Variants in RAD51B observed in about 807,000 individuals in gnomAD.
The protein encoded by RAD51B is RAD51 paralog B, also known as DNA repair protein RAD51 homolog 2.
RAD51B carries 38 observed loss-of-function variants against 42.2 expected under a neutral mutation model. The observed-to-expected ratio is 0.90, with a 90% CI of 0.70 to 1.18. The LOEUF (loss-of-function observed/expected upper bound fraction) is 1.18, where lower values mean the gene tolerates loss of function less well. Ranked by LOEUF, RAD51B falls within the 50% of genes most tolerant of loss-of-function variation. The probability of loss-of-function intolerance (pLI) is 0.00; values close to 1 mark genes in which losing one functional copy is unlikely to be tolerated. For missense variants in RAD51B, 373 were observed against 400.7 expected (o/e 0.93, Z 0.59); for synonymous variants, 154 against 145.2 (o/e 1.06, Z -0.43).
At chr14:68,482,130 A>G (rs1239891255), downstream of RAD51B, among the ~76,000 whole-genome samples, 1 of 151,670 alleles carries the variant, frequency 6.6e-6, no homozygotes, top group African/African-American at 2.4e-5. Flanking sequence ...GAAAGTAATT[A>G]CTTTTACTGA....
At chr14:68,063,704 C>A (rs2076605179) in intron 7 of RAD51B, among the ~76,000 whole-genome samples, 4 of 152,070 alleles carry the variant, frequency 2.6e-5, no homozygotes, top group Admixed American at 2.6e-4. Flanking sequence ...CCACAGCACT[C>A]CAGCCTGGCG....
downstream of RAD51B, among the ~76,000 whole-genome samples, chr14:68,480,283 G>A (rs1156618674): frequency 6.6e-6 from 1 of 151,734 alleles, no homozygotes; most frequent in Admixed American, 6.6e-5. Flanking sequence ...CACCATGTTG[G>A]CCAGGCTGGT....
chr14:68,592,580 G>A (rs943847861), intron 10 of RAD51B, among the ~76,000 whole-genome samples: 3 of 152,140 alleles, frequency 2.0e-5, no homozygotes, highest in African/African-American at 7.2e-5. Context: ...GAAGTGGCAG[G>A]GCCAGGATTA....
chr14:68,193,604 C>G (rs994149467), intron 7 of RAD51B, among the ~76,000 whole-genome samples: 1 of 152,116 alleles, frequency 6.6e-6, no homozygotes, highest in African/African-American at 2.4e-5. Context: ...GTATTGTTCT[C>G]AAAACAATTA....
chr14:67,863,319 AC>A (rs1481368644), intron 4 of RAD51B, among the ~76,000 whole-genome samples: 1 of 152,024 alleles, frequency 6.6e-6, no homozygotes, highest in Non-Finnish European at 1.5e-5. Flanking sequence ...TTACCTTTAG[AC>A]CAAATTCTGA....
chr14:67,925,563 G>A (rs2044477210), intron 7 of RAD51B, among the ~76,000 whole-genome samples: 1 of 152,166 alleles, frequency 6.6e-6, no homozygotes, highest in Non-Finnish European at 1.5e-5. Flanking sequence ...GAGCTACTGT[G>A]CTTGACCTGG....
At chr14:68,654,017 G>T (rs1225684615) in intron 11 of RAD51B, among the ~76,000 whole-genome samples, 1 of 152,260 alleles carries the variant, frequency 6.6e-6, no homozygotes, top group Admixed American at 6.5e-5. Flanking sequence ...TGAGGTTAGG[G>T]AAAGCAAGAA....
intron 7 of RAD51B, among the ~76,000 whole-genome samples, chr14:67,923,165 C>T (rs1208285896): frequency 2.0e-5 from 3 of 152,124 alleles, no homozygotes; most frequent in Non-Finnish European, 4.4e-5. Flanking sequence ...GTAACGGTCT[C>T]CAGTTCCATC....
At chr14:68,614,051 C>T (rs1891776477), downstream of RAD51B, among the ~76,000 whole-genome samples, 1 of 152,130 alleles carries the variant, frequency 6.6e-6, no homozygotes, top group Non-Finnish European at 1.5e-5. Context: ...CCTATGAGTG[C>T]AAGTTAGCAA....
chr14:68,109,483 TAAG>T (rs558919900), intron 7 of RAD51B, among the ~76,000 whole-genome samples: 2 of 152,016 alleles, frequency 1.3e-5, no homozygotes, highest in Non-Finnish European at 2.9e-5. Flanking sequence ...CTGAGGGAAA[TAAG>T]AAGCTTACTA....
chr14:67,850,921 A>G (rs916043012), intron 4 of RAD51B, among the ~76,000 whole-genome samples: 1 of 152,110 alleles, frequency 6.6e-6, no homozygotes, highest in Non-Finnish European at 1.5e-5. Flanking sequence ...TCTCCAGACC[A>G]CCATGTGGTT....
chr14:68,395,477 G>T (rs1439094418), intron 8 of RAD51B, among the ~76,000 whole-genome samples: 1 of 152,162 alleles, frequency 6.6e-6, no homozygotes, highest in South Asian at 2.1e-4. Flanking sequence ...GTTCCTGCTG[G>T]CAGGCACTTG....
chr14:68,536,138 T>C (rs1013719854), intron 10 of RAD51B, among the ~76,000 whole-genome samples: 5 of 152,182 alleles, frequency 3.3e-5, no homozygotes, highest in Non-Finnish European at 5.9e-5. Flanking sequence ...ATGAAACTCC[T>C]GACATCTCCA....
chr14:68,595,055 A>T, exon 11 of RAD51B: 1 of 1,072,146 alleles, frequency 9.3e-7, no homozygotes, highest in Non-Finnish European at 1.1e-6. Flanking sequence ...CTGAGTATTT[A>T]CTCAGTGCTC....
At chr14:68,158,998 AT>A (rs749876186) in intron 7 of RAD51B, among the ~76,000 whole-genome samples, 13 of 149,454 alleles carry the variant, frequency 8.7e-5, no homozygotes, top group East Asian at 3.9e-4. Flanking sequence ...AGATTTGGTT[AT>A]TTTTTTTTTG....
At chr14:68,412,501 C>G (rs888893637) in intron 9 of RAD51B, among the ~76,000 whole-genome samples, 5 of 152,134 alleles carry the variant, frequency 3.3e-5, no homozygotes, top group Non-Finnish European at 1.5e-5. Flanking sequence ...TAAACTGGCT[C>G]TTTTTCAAGG....
rs745505141 is a variant in RAD51B, at chr14:67,864,961, CTTTTTTTTTTT to C, written c.316-13_316-3del. On this transcript the variant is annotated intron_variant, in intron 4 of 10. Transcript: ENST00000471583. ...TGGCTTGTGATGTTTATCTAAAAAA[CTTTTTTTTTTT>C]TTTTTTTTTTTTTTTTTTTTTTTTT... 406 of 645,030 alleles carry C rather than the reference CTTTTTTTTTTT, an allele frequency of 6.3e-4. 22 individuals carry two copies. The highest frequency in any genetic ancestry group is 4.2e-3 in the African/African-American group (110 of 26,434). 40.0% of individuals were successfully genotyped at this position (645,030 alleles called of 1,614,324 possible).
intron 9 of RAD51B, among the ~76,000 whole-genome samples, chr14:68,424,796 A>G (rs2084793443): frequency 6.6e-6 from 1 of 152,048 alleles, no homozygotes; most frequent in Admixed American, 6.5e-5. Context: ...TTCCTTAGAG[A>G]CAGGGTCTTG....
intron 7 of RAD51B, among the ~76,000 whole-genome samples, chr14:67,988,241 A>C (rs533817352): frequency 5.9e-5 from 9 of 152,096 alleles, no homozygotes; most frequent in Admixed American, 5.9e-4. Flanking sequence ...CGAGCGGATC[A>C]TGAGGTCAGG....
Sources: allele counts gnomAD v4.1 joint callset (sites outside exome capture counted in the v4.1 genomes callset), GRCh38; gene constraint gnomAD v4.1.1; transcripts MANE v1.5; gene names NCBI Gene and HGNC (gene_info 2026-07-23, HGNC 2026-07-21).